Variants in TTLL1 observed in about 807,000 individuals in gnomAD.
TTLL1 encodes polyglutamylase complex subunit TTLL1.
Under a neutral mutation model 47.8 loss-of-function variants are expected in TTLL1, and 33 were observed. The ratio of observed to expected loss-of-function variants is 0.69; its 90% CI spans 0.52 to 0.92. The LOEUF (loss-of-function observed/expected upper bound fraction) is 0.92, where lower values mean the gene tolerates loss of function less well. TTLL1 is among the 40% of genes least tolerant of loss of function. The probability of loss-of-function intolerance (pLI) is 0.00; values close to 1 mark genes in which losing one functional copy is unlikely to be tolerated. For synonymous variants in TTLL1, 225 were observed against 214.1 expected, an observed-to-expected ratio of 1.05 and a Z score of -0.45; for missense variants, 488 against 547.5, an observed-to-expected ratio of 0.89 and a Z score of 1.08.
At chr22:43,087,580 G>A (rs1929307862) in intron 1 of TTLL1, among the ~76,000 whole-genome samples, 1 of 151,180 alleles carries the variant, frequency 6.6e-6, no homozygotes, top group Non-Finnish European at 1.5e-5. Context: ...GCTCACGCCT[G>A]TAATCCCAAC....
At chr22:43,053,114 T>C (rs1467991592) in intron 8 of TTLL1, among the ~76,000 whole-genome samples, 1 of 152,072 alleles carries the variant, frequency 6.6e-6, no homozygotes, top group African/African-American at 2.4e-5. Context: ...CAGCTGCTTA[T>C]GATGCAGATT....
At chr22:43,066,382 G>A (rs2235378) in intron 5 of TTLL1, among the ~76,000 whole-genome samples, 13,656 of 151,800 alleles carry the variant, frequency 0.09, 815 homozygotes, top group African/African-American at 0.15. Context: ...GTCCACTCAG[G>A]GAAATGCTCC....
At chr22:43,062,453 T>C (rs1216765456) in intron 7 of TTLL1, among the ~76,000 whole-genome samples, 3 of 144,436 alleles carry the variant, frequency 2.1e-5, no homozygotes, top group East Asian at 2.1e-4. Flanking sequence ...ATCACGGCAC[T>C]GCACTCCAGC....
At chr22:43,083,462 G>A (rs1412182871) in intron 1 of TTLL1, among the ~76,000 whole-genome samples, 1 of 152,168 alleles carries the variant, frequency 6.6e-6, no homozygotes, top group African/African-American at 2.4e-5. Flanking sequence ...GCCAAGTGGC[G>A]TGGCTTACAC....
At chr22:43,074,730 G>T (rs1601696290) in intron 3 of TTLL1, among the ~76,000 whole-genome samples, 1 of 151,856 alleles carries the variant, frequency 6.6e-6, no homozygotes, top group African/African-American at 2.4e-5. Context: ...AAGAAAAAAA[G>T]AATAACTCCA....
chr22:43,041,360 T>C (rs1382576498), intron 10 of TTLL1: 1 of 152,142 alleles, frequency 6.6e-6, no homozygotes, highest in African/African-American at 2.4e-5. Context: ...TCATGTGGAC[T>C]TCTGGAAAAG....
chr22:43,077,724 A>G (rs936408270), intron 2 of TTLL1, among the ~76,000 whole-genome samples: 1 of 152,158 alleles, frequency 6.6e-6, no homozygotes, highest in Non-Finnish European at 1.5e-5. Flanking sequence ...CCCCGGCTCC[A>G]ACCAGGAAGG....
At chr22:43,041,929 G>A (rs1925714737) in intron 10 of TTLL1, among the ~76,000 whole-genome samples, 1 of 152,174 alleles carries the variant, frequency 6.6e-6, no homozygotes, top group Non-Finnish European at 1.5e-5. Context: ...GCTCTCGAAG[G>A]AGAGACACAG....
In TTLL1 at chr22:43,065,942, C is replaced by T. The variant is rs148071767; in HGVS notation, c.504-1618G>A. On this transcript the variant is annotated intron_variant, in intron 5 of 10. Transcript: ENST00000266254. ...TTGGGAAGCCGAGGCAGGAGGATCA[C>T]GAGGTCAGGAGTTCAAGACCAGCCT... Among the ~76,000 whole-genome samples, 773 of 151,954 alleles carry T rather than the reference C, an allele frequency of 5.1e-3. 3 individuals carry two copies. The highest frequency in any genetic ancestry group is 0.015 in the African/African-American group (626 of 41,468).
chr22:43,078,357 G>A (rs1232924680), intron 2 of TTLL1, among the ~76,000 whole-genome samples: 5 of 152,064 alleles, frequency 3.3e-5, no homozygotes, highest in Non-Finnish European at 4.4e-5. Context: ...TTAGCTGGGC[G>A]TGGTGGCATG....
At chr22:43,068,012 C>T (rs1276235761) in intron 5 of TTLL1, among the ~76,000 whole-genome samples, 2 of 137,196 alleles carry the variant, frequency 1.5e-5, no homozygotes, top group Non-Finnish European at 3.1e-5. Flanking sequence ...GATGGAGTTT[C>T]GCCATCTTGG....
intron 2 of TTLL1, among the ~76,000 whole-genome samples, chr22:43,079,524 T>G (rs1198593371): frequency 6.6e-6 from 1 of 152,238 alleles, no homozygotes; most frequent in Non-Finnish European, 1.5e-5. Flanking sequence ...TGATGAATCC[T>G]GCTTGCGGCC....
intron 2 of TTLL1, among the ~76,000 whole-genome samples, chr22:43,077,305 C>A (rs890910840): frequency 1.3e-5 from 2 of 152,166 alleles, no homozygotes; most frequent in Admixed American, 6.6e-5. Flanking sequence ...CACACTGGGC[C>A]CCTCCGCCTG....
intron 7 of TTLL1, among the ~76,000 whole-genome samples, chr22:43,060,455 C>T (rs910959196): frequency 2.6e-5 from 4 of 152,012 alleles, no homozygotes; most frequent in African/African-American, 7.2e-5. Flanking sequence ...ATCAGCTTGC[C>T]GACTTCTACC....
intron 1 of TTLL1, among the ~76,000 whole-genome samples, chr22:43,088,280 A>G (rs1929369809): frequency 6.9e-6 from 1 of 145,960 alleles, no homozygotes; most frequent in South Asian, 2.2e-4. Context: ...CTCCACAGTG[A>G]CTGCTTACCA....
At chr22:43,076,883 C>T (rs905767982) in intron 2 of TTLL1, among the ~76,000 whole-genome samples, 70 of 150,940 alleles carry the variant, frequency 4.6e-4, no homozygotes, top group African/African-American at 1.5e-3. Context: ...AGGTGGATCA[C>T]GAGGTCAGGA....
intron 3 of TTLL1, among the ~76,000 whole-genome samples, chr22:43,075,206 G>A (rs1181484587): frequency 1.3e-5 from 2 of 152,132 alleles, no homozygotes; most frequent in African/African-American, 4.8e-5. Flanking sequence ...TGGAAGGGGA[G>A]GGCTGAGGCT....
intron 8 of TTLL1, among the ~76,000 whole-genome samples, chr22:43,052,625 C>A (rs1926718090): frequency 6.6e-6 from 1 of 152,062 alleles, no homozygotes; most frequent in Non-Finnish European, 1.5e-5. Context: ...CCATTAGTCC[C>A]AGCTACTCGG....
At chr22:43,070,383 G>A (rs573536479) in intron 3 of TTLL1, 141 of 411,372 alleles carry the variant, frequency 3.4e-4, no homozygotes, top group Non-Finnish European at 5.6e-4. Flanking sequence ...AGAAAGCCAC[G>A]GTCTCCCCGC....
Sources: gnomAD v4.1 joint callset for allele counts (sites outside exome capture counted in the v4.1 genomes callset) on GRCh38, gnomAD v4.1.1 for gene constraint, MANE v1.5 for transcripts, NCBI Gene and HGNC (gene_info 2026-07-23, HGNC 2026-07-21) for gene names.